Variants in CNTNAP2 observed in about 807,000 individuals in gnomAD.
CNTNAP2 encodes contactin-associated protein-like 2.
CNTNAP2 carries 98 observed loss-of-function variants against 155.2 expected under a neutral mutation model. That is an observed-to-expected ratio of 0.63 (90% CI 0.54 to 0.75). The LOEUF (loss-of-function observed/expected upper bound fraction) is 0.75, where lower values mean the gene tolerates loss of function less well. CNTNAP2 is among the 30% of genes least tolerant of loss of function. CNTNAP2 has a pLI of 0.00. For synonymous variants in CNTNAP2, 651 were observed against 631.2 expected (o/e 1.03, Z -0.47); for missense variants, 1,727 against 1,688.1 (o/e 1.02, Z -0.40).
intron 1 of CNTNAP2, among the ~76,000 whole-genome samples, chr7:146,179,506 T>G (rs1369295306): frequency 1.3e-5 from 2 of 152,158 alleles, no homozygotes; most frequent in African/African-American, 4.8e-5. Flanking sequence ...TCTATGAATT[T>G]TAGGCTCATA....
At chr7:146,130,466 T>C (rs921936147) in intron 1 of CNTNAP2, among the ~76,000 whole-genome samples, 1 of 152,226 alleles carries the variant, frequency 6.6e-6, no homozygotes, top group Non-Finnish European at 1.5e-5. Context: ...AGTGAGACTC[T>C]GCCTCTTAAT....
chr7:148,160,800 A>T (rs1374431760), intron 17 of CNTNAP2, among the ~76,000 whole-genome samples: 1 of 152,154 alleles, frequency 6.6e-6, no homozygotes, highest in African/African-American at 2.4e-5. Context: ...TAAACACTTC[A>T]TGAGTGCCTT....
At chr7:146,451,182 G>A (rs973049949) in intron 1 of CNTNAP2, among the ~76,000 whole-genome samples, 1 of 152,128 alleles carries the variant, frequency 6.6e-6, no homozygotes, top group Non-Finnish European at 1.5e-5. Context: ...CCCTGACCTC[G>A]TGATCTGCCC....
At chr7:146,798,334 T>C (rs1012942491) in intron 2 of CNTNAP2, among the ~76,000 whole-genome samples, 3 of 151,818 alleles carry the variant, frequency 2.0e-5, no homozygotes, top group Admixed American at 2.0e-4. Context: ...CAATCTGACA[T>C]AATTTAGCAT....
intron 8 of CNTNAP2, among the ~76,000 whole-genome samples, chr7:147,254,714 T>A (rs1001965761): frequency 2.6e-5 from 4 of 152,200 alleles, no homozygotes; most frequent in African/African-American, 7.2e-5. Flanking sequence ...TTTAAGCTCA[T>A]TCAAAACATA....
At chr7:148,349,108 A>G (rs1198782473) in intron 21 of CNTNAP2, among the ~76,000 whole-genome samples, 1 of 151,962 alleles carries the variant, frequency 6.6e-6, no homozygotes, top group Admixed American at 6.5e-5. Context: ...AGAAAAAAAT[A>G]AATAAATAAA....
chr7:148,118,800 G>A (rs985004248), intron 16 of CNTNAP2, among the ~76,000 whole-genome samples: 33 of 152,134 alleles, frequency 2.2e-4, no homozygotes, highest in African/African-American at 7.7e-4. Context: ...ACCCACACCT[G>A]CCCACCCTCT....
At chr7:148,278,519 G>A (rs368734003) in intron 21 of CNTNAP2, among the ~76,000 whole-genome samples, 26 of 143,352 alleles carry the variant, frequency 1.8e-4, no homozygotes, top group African/African-American at 6.1e-4. Context: ...GCAGTAAGCC[G>A]AGATCGCGCC....
Position 146,272,447 on chromosome 7 carries a change from A to G in CNTNAP2, c.97+155474A>G, listed in dbSNP as rs547368010. ...CAACACTGTTATTCTCCTTTCTCCA[A>G]TTGGCTACATTTTAATAAATGATAA... On this transcript the variant is annotated intron_variant, in intron 1 of 23. Transcript: ENST00000361727. 1.2e-4 allele frequency among the ~76,000 whole-genome samples: 19 copies of G among 152,248 alleles called. No individual in the cohort carries two copies. In the South Asian group the frequency reaches 3.7e-3, roughly 30 times the overall value.
At chr7:146,963,309 G>A (rs1797591114) in intron 3 of CNTNAP2, among the ~76,000 whole-genome samples, 1 of 151,954 alleles carries the variant, frequency 6.6e-6, no homozygotes, top group Non-Finnish European at 1.5e-5. Flanking sequence ...ACTTGTCTTT[G>A]TTTGAACAGT....
chr7:147,059,472 G>C (rs1799623062), intron 4 of CNTNAP2, among the ~76,000 whole-genome samples: 1 of 143,646 alleles, frequency 7.0e-6, no homozygotes, highest in Non-Finnish European at 1.5e-5. Context: ...AGATACTCTT[G>C]ACTGTGATCT....
chr7:146,707,636 C>G (rs1800989061), intron 1 of CNTNAP2, among the ~76,000 whole-genome samples: 1 of 152,094 alleles, frequency 6.6e-6, no homozygotes, highest in African/African-American at 2.4e-5. Flanking sequence ...GGGCCTTGCT[C>G]TTTAAATTTT....
intron 2 of CNTNAP2, among the ~76,000 whole-genome samples, chr7:146,789,584 A>T (rs991871571): frequency 1.4e-5 from 2 of 147,378 alleles, no homozygotes; most frequent in Admixed American, 6.8e-5. Flanking sequence ...AACTTGTATT[A>T]TGTGGGGTGG....
chr7:147,596,666 GAGGC>G (rs1800832271), intron 12 of CNTNAP2, among the ~76,000 whole-genome samples: 1 of 152,090 alleles, frequency 6.6e-6, no homozygotes, highest in Admixed American at 6.6e-5. Context: ...CTTTGTGTCA[GAGGC>G]ATTCAAACCA....
At chr7:146,313,370 C>T (rs898771891) in intron 1 of CNTNAP2, among the ~76,000 whole-genome samples, 3 of 152,140 alleles carry the variant, frequency 2.0e-5, no homozygotes, top group Non-Finnish European at 2.9e-5. Context: ...TGAGAAATGT[C>T]TGTTCAGATT....
At chr7:147,397,058 A>G (rs1796828707) in intron 10 of CNTNAP2, among the ~76,000 whole-genome samples, 1 of 152,058 alleles carries the variant, frequency 6.6e-6, no homozygotes, top group Non-Finnish European at 1.5e-5. Context: ...GTTCGTGTGA[A>G]TGGTAAGTTA....
intron 12 of CNTNAP2, among the ~76,000 whole-genome samples, chr7:147,573,901 A>G (rs574326511): frequency 3.4e-4 from 52 of 152,266 alleles, no homozygotes; most frequent in African/African-American, 1.3e-3. Context: ...TTGATCCTTT[A>G]GTACAACCTA....
At chr7:147,920,159 C>T (rs1451118905) in intron 14 of CNTNAP2, among the ~76,000 whole-genome samples, 1 of 151,320 alleles carries the variant, frequency 6.6e-6, no homozygotes, top group East Asian at 2.0e-4. Flanking sequence ...GGGTTAGAGA[C>T]CAGCCTGAAC....
chr7:146,133,844 G>C (rs180809373), intron 1 of CNTNAP2, among the ~76,000 whole-genome samples: 1 of 152,132 alleles, frequency 6.6e-6, no homozygotes, highest in Non-Finnish European at 1.5e-5. Context: ...AAGTCAGGTA[G>C]TGTGATGCCT....
Sources: allele counts gnomAD v4.1 joint callset (sites outside exome capture counted in the v4.1 genomes callset), GRCh38; gene constraint gnomAD v4.1.1; transcripts MANE v1.5; gene names NCBI Gene and HGNC (gene_info 2026-07-23, HGNC 2026-07-21).